DOCK4: variants seen among roughly 807,000 people sequenced by gnomAD.
DOCK4 encodes dedicator of cytokinesis 4, also known as dedicator of cytokinesis protein 4.
Under a neutral mutation model 268.1 loss-of-function variants are expected in DOCK4, and 97 were observed. The observed-to-expected ratio is 0.36, with a 90% confidence interval of 0.31 to 0.43. The LOEUF (loss-of-function observed/expected upper bound fraction) is 0.43. Ranked by LOEUF, DOCK4 falls within the 20% of genes least tolerant of loss-of-function variation. The probability of loss-of-function intolerance (pLI) is 1.00; values close to 1 mark genes in which losing one functional copy is unlikely to be tolerated. For synonymous variants in DOCK4, 954 were observed against 887.2 expected (o/e 1.08, Z -1.34); for missense variants, 2,145 against 2,455.7 (o/e 0.87, Z 2.67).
At chr7:112,116,456 C>T (rs578102421) in intron 1 of DOCK4, among the ~76,000 whole-genome samples, 2 of 152,150 alleles carry the variant, frequency 1.3e-5, no homozygotes, top group Non-Finnish European at 2.9e-5. Context: ...GCTCACCTTA[C>T]GATCATACAT....
chr7:112,135,040 T>A (rs1217309572), intron 1 of DOCK4, among the ~76,000 whole-genome samples: 1 of 152,162 alleles, frequency 6.6e-6, no homozygotes, highest in Non-Finnish European at 1.5e-5. Context: ...AACCCCACAA[T>A]TTTTTGTTTA....
chr7:111,726,459 A>G lies in DOCK4; in HGVS notation c.*1815T>C, dbSNP rs1205891953. ...AACAGAAATATGGAGCTTCACATAT[A>G]TATGTATATATATATGAATGTGGTT... On this transcript the variant is annotated 3_prime_UTR_variant, in exon 53 of 53. Coordinates refer to ENST00000428084, the MANE Select transcript of DOCK4 (RefSeq NM_001363540.2). 1 of 152,320 alleles carries G rather than the reference A, an allele frequency of 6.6e-6. No homozygotes were observed. The highest frequency in any genetic ancestry group is 1.5e-5 in the Non-Finnish European group (1 of 68,038). 9.4% of individuals were successfully genotyped at this position (152,320 alleles called of 1,614,324 possible).
intron 1 of DOCK4, among the ~76,000 whole-genome samples, chr7:112,123,205 T>A (rs1021804614): frequency 6.6e-6 from 1 of 152,142 alleles, no homozygotes; most frequent in Non-Finnish European, 1.5e-5. Context: ...TACATCTTGG[T>A]CTAATAAGAT....
chr7:111,784,155 A>T (rs754756796), intron 32 of DOCK4, 32 bp from the exon 33 acceptor site: 1 of 1,558,260 alleles, frequency 6.4e-7, no homozygotes. Flanking sequence ...AAGCAAATTG[A>T]TTTTCAGATT....
intron 1 of DOCK4, among the ~76,000 whole-genome samples, chr7:112,110,975 A>C (rs1049686932): frequency 3.3e-5 from 5 of 152,262 alleles, no homozygotes; most frequent in African/African-American, 1.2e-4. Flanking sequence ...GTTCTAACGA[A>C]TCCCCAAACC....
In DOCK4 at chr7:111,788,651, A is replaced by G. The variant is rs1799334108; in HGVS notation, c.3401+11T>C. The G allele has an allele frequency of 6.4e-7, 1 of 1,568,814 alleles. No homozygotes were observed. The highest frequency in any genetic ancestry group is 8.7e-7 in the Non-Finnish European group (1 of 1,154,094). ...AGAATGGAATCAACTTGAGATAAAC[A>G]TATTACTCACATACTGTTGAAGAGC... is the stretch of plus-strand genomic sequence containing the variant. On this transcript the variant is annotated intron_variant, in intron 32 of 52. Coordinates refer to ENST00000428084, the MANE Select transcript of DOCK4 (RefSeq NM_001363540.2).
At position 111,747,418 on chromosome 7, in the gene DOCK4, G is replaced by C. The variant is rs759507690; in HGVS notation, c.4442C>G (p.Ala1481Gly). Reference sequence around the variant, plus strand: ...ATTCTTATTTTCTAGCACTTCAATTGCATTTTCCAGAGGACTCATTTCTAC... The same window carrying C: ...ATTCTTATTTTCTAGCACTTCAATTCCATTTTCCAGAGGACTCATTTCTAC... ...EVVEMSPLEN[A>G]IEVLENKNQQ... The change falls in exon 43 of 53, where the codon GCA becomes GGA. Residue 1481 changes from alanine (A) to glycine (G), a missense_variant. Ala to Gly is a moderately conservative substitution (Grantham distance 60). Around this residue, in one of 2 missense-constraint regions of DOCK4, gnomAD observed 1,598 missense variants for 1,986.7 expected, o/e 0.80. Transcript: ENST00000428084. 4 of 1,605,040 alleles carry C rather than the reference G, an allele frequency of 2.5e-6. No individual in the cohort carries two copies. Among genetic ancestry groups the C allele is most frequent in the Admixed American group, 3.4e-5 (2 of 58,676 alleles).
chr7:111,833,742 C>T (rs1371827583), intron 26 of DOCK4, among the ~76,000 whole-genome samples: 4 of 152,040 alleles, frequency 2.6e-5, no homozygotes, highest in Non-Finnish European at 5.9e-5. Flanking sequence ...AGATAAGTGA[C>T]CCCTATGTAC....
intron 27 of DOCK4, among the ~76,000 whole-genome samples, chr7:111,815,553 G>A (rs1022937115): frequency 6.6e-6 from 1 of 152,050 alleles, no homozygotes; most frequent in Non-Finnish European, 1.5e-5. Context: ...AGTCAAAAAA[G>A]ATTTTCAATA....
chr7:112,200,953 T>C (rs1820884293), intron 1 of DOCK4, among the ~76,000 whole-genome samples: 1 of 152,038 alleles, frequency 6.6e-6, no homozygotes, highest in Admixed American at 6.6e-5. Flanking sequence ...TTCTCTTCTA[T>C]TCCCACTTAA....
At chr7:111,994,444 G>A (rs982744654) in intron 4 of DOCK4, among the ~76,000 whole-genome samples, 34 of 152,162 alleles carry the variant, frequency 2.2e-4, no homozygotes, top group African/African-American at 8.2e-4. Context: ...ACCAGATCAA[G>A]TTTGAGCAGC....
At chr7:111,923,601 A>G (rs536901112) in intron 12 of DOCK4, among the ~76,000 whole-genome samples, 52 of 152,272 alleles carry the variant, frequency 3.4e-4, no homozygotes, top group Admixed American at 1.2e-3. Flanking sequence ...ATTTATCCAG[A>G]TATAACTTTA....
chr7:111,954,858 A>G (rs1448615717), intron 8 of DOCK4, among the ~76,000 whole-genome samples: 2 of 152,084 alleles, frequency 1.3e-5, no homozygotes, highest in African/African-American at 4.8e-5. Flanking sequence ...CGATACAAAG[A>G]GCCTCGCACC....
intron 26 of DOCK4, among the ~76,000 whole-genome samples, chr7:111,830,368 G>T (rs1431651986): frequency 6.6e-6 from 1 of 152,172 alleles, no homozygotes; most frequent in African/African-American, 2.4e-5. Context: ...GGAGGTTGCA[G>T]TGAGTCAAGA....
At chr7:112,064,290 A>C (rs1334620585) in intron 1 of DOCK4, among the ~76,000 whole-genome samples, 1 of 152,170 alleles carries the variant, frequency 6.6e-6, no homozygotes, top group African/African-American at 2.4e-5. Context: ...GCATCCTTTC[A>C]AAGAGTCTAT....
Position 111,758,696 on chromosome 7 carries a change from C to T in DOCK4, c.4257G>A (p.Val1419=). ...VPDNIKSFYK[V]NHIWKFRYDR... is the part of the protein sequence containing the mutation. Reference sequence around the variant, plus strand: ...CATAGCGGAATTTCCAGATGTGATTCACTTTATAGAAGCTTTTGATGTTGT... The same window carrying T: ...CATAGCGGAATTTCCAGATGTGATTTACTTTATAGAAGCTTTTGATGTTGT... The change falls in exon 41 of 53, where the codon GTG becomes GTA. Residue 1419 remains valine, a synonymous_variant. Transcript: ENST00000428084. 2 of 1,613,968 alleles carry T rather than the reference C, an allele frequency of 1.2e-6. No individual in the cohort carries two copies. Among genetic ancestry groups the T allele is most frequent in the Non-Finnish European group, 1.7e-6 (2 of 1,179,878 alleles).
At chr7:111,797,815 G>A (rs79399214) in intron 30 of DOCK4, among the ~76,000 whole-genome samples, 6,434 of 152,222 alleles carry the variant, frequency 0.042, 172 homozygotes, top group Middle Eastern at 0.068. Context: ...TGAGAAAGAC[G>A]CTAATAGAAT....
chr7:111,793,191 A>T (rs1186600093), intron 30 of DOCK4, among the ~76,000 whole-genome samples: 1 of 152,190 alleles, frequency 6.6e-6, no homozygotes, highest in Non-Finnish European at 1.5e-5. Context: ...ACGGAAGGGT[A>T]CCTGTTACTG....
chr7:112,123,680 C>T lies in DOCK4; in HGVS notation c.37+82422G>A, dbSNP rs552056089. Among the ~76,000 whole-genome samples the T allele has an allele frequency of 3.3e-5, 5 of 152,284 alleles. No homozygotes were observed. In the East Asian group the frequency reaches 5.8e-4, roughly 18 times the overall value. On this transcript the variant is annotated intron_variant, in intron 1 of 52. Transcript: ENST00000428084. ...CTCAATAAATTTTCTACTACCAACCCGTGTAATACCCATGGCAACTTGTAT... is the reference window on the plus strand; with the variant it reads ...CTCAATAAATTTTCTACTACCAACCTGTGTAATACCCATGGCAACTTGTAT...
Sources: gnomAD v4.1 joint callset for allele counts (sites outside exome capture counted in the v4.1 genomes callset) on GRCh38, gnomAD v4.1.1 for gene constraint, gnomAD v4.1.1 regional missense constraint, MANE v1.5 for transcripts, NCBI Gene and HGNC (gene_info 2026-07-23, HGNC 2026-07-21) for gene names.